The following BRINP3 variants were observed in gnomAD, a reference collection of about 807,000 sequenced individuals.
BRINP3 encodes BMP/retinoic acid inducible neural specific 3.
In BRINP3, 19 loss-of-function variants were observed where a neutral mutation model predicts 71.0. The observed-to-expected ratio is 0.27, with a 90% CI of 0.19 to 0.39. The LOEUF is 0.39. Ranked by LOEUF, BRINP3 falls within the 10% of genes least tolerant of loss-of-function variation. The probability of loss-of-function intolerance (pLI) is 1.00; values close to 1 mark genes in which losing one functional copy is unlikely to be tolerated. For synonymous variants in BRINP3, 380 were observed against 337.7 expected, an observed-to-expected ratio of 1.13 and a Z score of -1.37; for missense variants, 959 against 940.8, an observed-to-expected ratio of 1.02 and a Z score of -0.25.
chr1:190,415,672 G>T lies in BRINP3; in HGVS notation c.236+38983C>A, dbSNP rs191985032. ...TAAACTCAAATAGGGATGCTGAGGT[G>T]GGAGGATTATGTGAGGCCAGGAGTT... On this transcript the variant is annotated intron_variant, in intron 2 of 7. Transcript: ENST00000367462. 3.3e-5 allele frequency among the ~76,000 whole-genome samples: 5 copies of T among 152,236 alleles called. No individual in the cohort carries two copies. The East Asian group carries it at 9.7e-4, about 29-fold the overall frequency.
chr1:190,367,454 G>C (rs1331542331), intron 2 of BRINP3, among the ~76,000 whole-genome samples: 1 of 152,208 alleles, frequency 6.6e-6, no homozygotes, highest in African/African-American at 2.4e-5. Flanking sequence ...TGTGATAGGA[G>C]GTGCTGCTGC....
intron 7 of BRINP3, among the ~76,000 whole-genome samples, chr1:190,123,306 G>A (rs1653832142): frequency 6.6e-6 from 1 of 152,006 alleles, no homozygotes; most frequent in Admixed American, 6.6e-5. Flanking sequence ...AGGGAACTGG[G>A]GCAAATATGC....
chr1:190,277,111 A>ATATATATATATATATATATATATATT (rs1558137294), intron 3 of BRINP3, among the ~76,000 whole-genome samples: 1 of 123,914 alleles, frequency 8.1e-6, no homozygotes, highest in Non-Finnish European at 1.7e-5. Flanking sequence ...ATATATATAT[A>ATATATATATATATATATATATATATT]TATATATTTA....
chr1:190,314,795 GAGACCTTGA>G (rs1665769836), intron 2 of BRINP3, among the ~76,000 whole-genome samples: 1 of 152,118 alleles, frequency 6.6e-6, no homozygotes, highest in African/African-American at 2.4e-5. Context: ...TCCCTAAACG[GAGACCTTGA>G]ATGCACGCAT....
chr1:190,447,802 G>A (rs1239194967), intron 2 of BRINP3, among the ~76,000 whole-genome samples: 1 of 151,334 alleles, frequency 6.6e-6, no homozygotes, highest in East Asian at 1.9e-4. Flanking sequence ...AATAACCCTG[G>A]TATATCATAA....
chr1:190,271,417 G>A (rs1662099807), intron 3 of BRINP3, among the ~76,000 whole-genome samples: 1 of 151,530 alleles, frequency 6.6e-6, no homozygotes, highest in African/African-American at 2.4e-5. Flanking sequence ...ATAGATAGCT[G>A]TAAAGGGTTT....
At chr1:190,361,645 G>A (rs186425277) in intron 2 of BRINP3, among the ~76,000 whole-genome samples, 279 of 151,996 alleles carry the variant, frequency 1.8e-3, no homozygotes, top group East Asian at 5.4e-3. Context: ...CTCGTGATCC[G>A]CCCACCTTGG....
intron 6 of BRINP3, among the ~76,000 whole-genome samples, chr1:190,182,395 G>T (rs1483475670): frequency 6.6e-6 from 1 of 151,974 alleles, no homozygotes; most frequent in Admixed American, 6.6e-5. Context: ...TCTCACTGCT[G>T]TTCAGATTGA....
chr1:190,215,554 A>T (rs781106412), intron 6 of BRINP3, among the ~76,000 whole-genome samples: 4 of 151,960 alleles, frequency 2.6e-5, no homozygotes, highest in African/African-American at 4.8e-5. Flanking sequence ...GTTTACATAA[A>T]ATTTAAAAAA....
At chr1:190,336,088 G>A (rs1476302527) in intron 2 of BRINP3, among the ~76,000 whole-genome samples, 12 of 152,030 alleles carry the variant, frequency 7.9e-5, no homozygotes, top group Non-Finnish European at 1.2e-4. Flanking sequence ...TTCCCATAAC[G>A]AAATGAAATG....
intron 7 of BRINP3, among the ~76,000 whole-genome samples, chr1:190,121,041 A>G (rs1200049940): frequency 6.6e-6 from 1 of 152,212 alleles, no homozygotes; most frequent in Non-Finnish European, 1.5e-5. Flanking sequence ...ATAGCACAAC[A>G]TGTTGTCAAC....
At chr1:190,112,045 G>A (rs1470079936) in intron 7 of BRINP3, among the ~76,000 whole-genome samples, 1 of 152,124 alleles carries the variant, frequency 6.6e-6, no homozygotes, top group Non-Finnish European at 1.5e-5. Flanking sequence ...ATAAAAGGGT[G>A]AAAATCTGAA....
At chr1:190,402,572 T>C (rs1236325253) in intron 2 of BRINP3, among the ~76,000 whole-genome samples, 2 of 152,178 alleles carry the variant, frequency 1.3e-5, no homozygotes, top group African/African-American at 4.8e-5. Flanking sequence ...GAAAAAGTCC[T>C]AGGTTCATAC....
At chr1:190,372,976 T>C (rs1368913897) in intron 2 of BRINP3, among the ~76,000 whole-genome samples, 1 of 152,120 alleles carries the variant, frequency 6.6e-6, no homozygotes, top group Non-Finnish European at 1.5e-5. Context: ...TATTCTAAGA[T>C]AGCAGAATGT....
chr1:190,189,959 C>T (rs1653890090), intron 6 of BRINP3, among the ~76,000 whole-genome samples: 1 of 152,116 alleles, frequency 6.6e-6, no homozygotes, highest in Admixed American at 6.6e-5. Flanking sequence ...GTCAGTGTGG[C>T]ACTGCCAAAA....
At chr1:190,144,647 T>C (rs1044613331) in intron 7 of BRINP3, among the ~76,000 whole-genome samples, 28 of 152,168 alleles carry the variant, frequency 1.8e-4, no homozygotes, top group African/African-American at 6.5e-4. Flanking sequence ...GGAAAAAACC[T>C]AAATAATATT....
chr1:190,110,897 C>A (rs947571200), intron 7 of BRINP3, among the ~76,000 whole-genome samples: 5 of 152,014 alleles, frequency 3.3e-5, no homozygotes, highest in Non-Finnish European at 5.9e-5. Context: ...ACAAGATAAA[C>A]CTGTCAAAAA....
Position 190,264,909 on chromosome 1 carries a change from G to C in BRINP3, c.574C>G (p.Leu192Val). ...ASYFIDRDST[L>V]RRLHHIQIAS... is the part of the protein sequence containing the mutation. ...ATTTGAATGTGGTGAAGTCTCCGAA[G>C]GGTGCTGTCCCTGTCAATGAAATAA... Residue 192 changes from leucine (L) to valine (V), a missense_variant, in exon 4 of 8, where the codon CTT (leucine) becomes GTT (valine). Physicochemically the swap from Leu to Val is conservative, Grantham distance 32. Coordinates refer to ENST00000367462, the MANE Select transcript of BRINP3 (RefSeq NM_199051.3). The C allele has an allele frequency of 6.2e-7, 1 of 1,613,680 alleles. No homozygotes were observed. Among genetic ancestry groups the C allele is most frequent in the Non-Finnish European group, 8.5e-7 (1 of 1,179,866 alleles).
At chr1:190,233,489 A>G (rs1163530688) in intron 5 of BRINP3, among the ~76,000 whole-genome samples, 1 of 152,076 alleles carries the variant, frequency 6.6e-6, no homozygotes, top group Non-Finnish European at 1.5e-5. Flanking sequence ...ACACTGATAC[A>G]TTTTTCAAGA....
Sources: gnomAD v4.1 joint callset for allele counts (sites outside exome capture counted in the v4.1 genomes callset) on GRCh38, gnomAD v4.1.1 for gene constraint, MANE v1.5 for transcripts, NCBI Gene and HGNC (gene_info 2026-07-23, HGNC 2026-07-21) for gene names.